SYMPK: variants seen among roughly 807,000 people sequenced by gnomAD.
The protein encoded by SYMPK is symplekin scaffold protein.
A neutral mutation model predicts 136.4 loss-of-function variants in SYMPK; 49 were observed. The ratio of observed to expected loss-of-function variants is 0.36; its 90% CI spans 0.29 to 0.46. SYMPK has a LOEUF of 0.46. Among genes scored for constraint, SYMPK ranks in the 20% least tolerant of loss-of-function variants. The pLI is 1.00. For synonymous variants in SYMPK, 766 were observed against 713.0 expected (o/e 1.07, Z -1.19); for missense variants, 1,365 against 1,690.0 (o/e 0.81, Z 3.37).
rs1019392331 is a variant in SYMPK, at chr19:45,839,310, G to A, written c.1088-695C>T. Among the ~76,000 whole-genome samples the A allele has an allele frequency of 5.9e-5, 9 of 152,258 alleles. No individual in the cohort carries two copies. In the East Asian group the frequency reaches 9.6e-4, roughly 16 times the overall value. The stretch of plus-strand genomic sequence containing the variant: ...CTATTCCCCACTTAAAGGAAACCAG[G>A]GTTCCTTAAAAAGAAAGACTGATTC... On this transcript the variant is annotated intron_variant, in intron 9 of 26. Coordinates refer to ENST00000245934, the MANE Select transcript of SYMPK (RefSeq NM_004819.3).
In SYMPK at chr19:45,821,307, G is replaced by C. The variant is rs767903326; in HGVS notation, c.2893+77C>G. ...AGTCTTTGACTTGGCAGATTCCAGT[G>C]GGGGCATGTGGGTGACTGAGGTCCT... On this transcript the variant is annotated intron_variant, in intron 22 of 26. Coordinates refer to ENST00000245934, the MANE Select transcript of SYMPK (RefSeq NM_004819.3). This position sits in a 1 kb window ranked among gnomAD's most constrained non-coding sequence, Gnocchi z 4.4. 11 of 1,061,748 alleles carry C rather than the reference G, an allele frequency of 1.0e-5. No homozygotes were observed. Among genetic ancestry groups the C allele is most frequent in the Middle Eastern group, 2.0e-4 (1 of 5,036 alleles). 65.8% of individuals were successfully genotyped at this position (1,061,748 alleles called of 1,614,324 possible).
chr19:45,862,649 G>A (rs61675653), intron 1 of SYMPK: 153 of 165,226 alleles, frequency 9.3e-4, no homozygotes, highest in Non-Finnish European at 1.8e-3. Flanking sequence ...CAGAGGAAGT[G>A]ACGTTGGTGC....
At position 45,821,358 on chromosome 19, in the gene SYMPK, A is replaced by G; in HGVS notation, c.2893+26T>C. On this transcript the variant is annotated intron_variant, in intron 22 of 26. Coordinates refer to ENST00000245934, the MANE Select transcript of SYMPK (RefSeq NM_004819.3). The surrounding 1 kb of genome is among the most constrained non-coding windows in gnomAD (Gnocchi z 4.4). ...GCCCTGGCGTCGCAGGGGCCAGGCC[A>G]CTGGAGTGGGGGGGAAGCGCCTCAC... The G allele has an allele frequency of 6.3e-7, 1 of 1,584,196 alleles. No homozygotes were observed.
chr19:45,842,468 G>A lies in SYMPK; in HGVS notation c.869C>T (p.Ala290Val). Residue 290 changes from alanine to valine, a missense_variant, in exon 9 of 27, where the codon GCC becomes GTC. By Grantham distance (64) the Ala-to-Val change is moderately conservative (BLOSUM62 0). Transcript: ENST00000245934. ...TLHANLPPTLAKSQVSSVRKN... is the reference protein window; with the variant it reads ...TLHANLPPTLVKSQVSSVRKN... ...ACGCACACTGCTCACCTGCGATTTG[G>A]CCAGCGTCGGGGGCAGGTTGGCTGT... 1 of 1,613,126 alleles carries A rather than the reference G, an allele frequency of 6.2e-7. No homozygotes were observed. The highest frequency in any genetic ancestry group is 1.7e-5 in the Admixed American group (1 of 60,028).
At chr19:45,857,236 C>T (rs754687513) in intron 1 of SYMPK, among the ~76,000 whole-genome samples, 2 of 151,162 alleles carry the variant, frequency 1.3e-5, no homozygotes. Flanking sequence ...GGTGAAACCC[C>T]GTCTCTTCTA....
At chr19:45,843,316 G>C (rs539874202) in intron 8 of SYMPK, among the ~76,000 whole-genome samples, 18 of 152,212 alleles carry the variant, frequency 1.2e-4, no homozygotes, top group Admixed American at 6.5e-4. Flanking sequence ...GAGAAATGCA[G>C]ATCCACGACC....
intron 14 of SYMPK, 109 bp from the exon 15 acceptor site, chr19:45,828,027 G>C (rs1971087197): frequency 1.1e-6 from 1 of 926,354 alleles, no homozygotes; most frequent in Non-Finnish European, 1.7e-6. Context: ...CTCAGGGGCT[G>C]CTTGTTCAAG....
intron 5 of SYMPK, among the ~76,000 whole-genome samples, chr19:45,850,252 T>TA: frequency 6.6e-6 from 1 of 151,690 alleles, no homozygotes. Flanking sequence ...CTCAAAAAAA[T>TA]AATAAATAAA....
chr19:45,852,367 C>G lies in SYMPK; in HGVS notation c.244G>C (p.Ala82Pro). 1 of 1,614,214 alleles carries G rather than the reference C, an allele frequency of 6.2e-7. No homozygotes were observed. The highest frequency in any genetic ancestry group is 2.2e-5 in the East Asian group (1 of 44,866). Residue 82 changes from alanine to proline, a missense_variant, in exon 5 of 27, where the codon GCA (alanine) becomes CCA (proline). Physicochemically the swap from Ala to Pro is conservative, Grantham distance 27 (BLOSUM62 -1). This residue lies in a region of SYMPK where 237 missense variants were observed against 292.9 expected (regional missense o/e 0.81). Coordinates refer to ENST00000245934, the MANE Select transcript of SYMPK (RefSeq NM_004819.3). ...TTTCGCACTTCGATTGACTTGTCTG[C>G]TTGGAATGCGATGATCTCCTGCCAA... ...NFLDEIIAFQ[A>P]DKSIEVRKFV...
chr19:45,816,313 C>T (rs1970735579), intron 25 of SYMPK, 130 bp from the exon 26 acceptor site: 1 of 1,140,218 alleles, frequency 8.8e-7, no homozygotes, highest in Non-Finnish European at 1.2e-6. Context: ...GGGCAGTTGT[C>T]CCCCAGACCC....
At chr19:45,857,549 T>G (rs1971858043) in intron 1 of SYMPK, among the ~76,000 whole-genome samples, 1 of 151,218 alleles carries the variant, frequency 6.6e-6, no homozygotes, top group Non-Finnish European at 1.5e-5. Context: ...TGGAGTGCAG[T>G]GGCGTGATCG....
At chr19:45,841,585 G>A (rs552972274) in intron 9 of SYMPK, among the ~76,000 whole-genome samples, 71 of 152,186 alleles carry the variant, frequency 4.7e-4, no homozygotes, top group Non-Finnish European at 8.4e-4. Flanking sequence ...GAGCCACTGC[G>A]CCCAGCCTAA....
chr19:45,828,844 G>T, intron 14 of SYMPK, 126 bp downstream of exon 14: 2 of 884,564 alleles, frequency 2.3e-6, no homozygotes. Context: ...AGGAGACTTG[G>T]GATGGGTGCG....
rs986746708 is a variant in SYMPK at position 45,863,113 on chromosome 19, T to TCCGCAG, written c.-69_-68insCTGCGG. 42 of 404,108 alleles carry TCCGCAG rather than the reference T, an allele frequency of 1.0e-4. No homozygotes were observed. The highest frequency in any genetic ancestry group is 3.5e-5 in the Non-Finnish European group (8 of 229,538). The allele number at this position is 404,108 out of a possible 1,614,324, so 25.0% of individuals were successfully genotyped here. A position where few individuals can be genotyped will look rare whatever the true frequency, so the allele number is the denominator to read the frequency against. The stretch of plus-strand genomic sequence containing the variant: ...CCCTCAGCAGTGCCTCTTCCTACAC[T>TCCGCAG]CCGCCGCCGCCGCCGCCGCCATCTT... On this transcript the variant is annotated 5_prime_UTR_variant, in exon 1 of 27. Transcript: ENST00000245934.
intron 1 of SYMPK, among the ~76,000 whole-genome samples, chr19:45,860,894 A>T (rs746272209): frequency 6.6e-6 from 1 of 152,258 alleles, no homozygotes; most frequent in Non-Finnish European, 1.5e-5. Flanking sequence ...AGGAAACTGA[A>T]GACCAGGGAG....
chr19:45,817,375 AG>A (rs1037486515), intron 23 of SYMPK, among the ~76,000 whole-genome samples: 22 of 149,052 alleles, frequency 1.5e-4, no homozygotes, highest in Non-Finnish European at 2.4e-4. Context: ...CGCAGCCTCC[AG>A]GGGGCGACAT....
chr19:45,830,493 G>C (rs1600504594), intron 12 of SYMPK: 1 of 378,224 alleles, frequency 2.6e-6, no homozygotes, highest in Admixed American at 3.7e-5. Flanking sequence ...CAGCTCTCCA[G>C]GCAAAGGCCC....
chr19:45,845,928 C>T (rs543859186), intron 7 of SYMPK, among the ~76,000 whole-genome samples: 10 of 152,140 alleles, frequency 6.6e-5, no homozygotes, highest in Non-Finnish European at 1.2e-4. Context: ...TTGACTTGAA[C>T]GCCACATTAT....
chr19:45,815,820 C>T, intron 26 of SYMPK, 31 bp downstream of exon 26: 6 of 1,607,332 alleles, frequency 3.7e-6, no homozygotes, highest in Non-Finnish European at 5.1e-6. Flanking sequence ...GATCCGGCTT[C>T]TTCCTTCGCA....
Sources: gnomAD v4.1 joint callset for allele counts (sites outside exome capture counted in the v4.1 genomes callset) on GRCh38, gnomAD v4.1.1 for gene constraint, gnomAD v4.1.1 regional missense constraint, Gnocchi (gnomAD v3.1) non-coding constraint, MANE v1.5 for transcripts, NCBI Gene and HGNC (gene_info 2026-07-23, HGNC 2026-07-21) for gene names.